Variants in TTC1 observed in about 807,000 individuals in gnomAD.
TTC1 encodes tetratricopeptide repeat protein 1.
TTC1 carries 31 observed loss-of-function variants against 37.6 expected under a neutral mutation model. The ratio of observed to expected loss-of-function variants is 0.82; its 90% CI spans 0.62 to 1.11. The LOEUF (loss-of-function observed/expected upper bound fraction) is 1.11. Among genes scored for constraint, TTC1 ranks in the 50% most tolerant of loss-of-function variants. The pLI is 0.00. For synonymous variants in TTC1, 127 were observed against 122.4 expected (o/e 1.04, Z -0.25); for missense variants, 351 against 339.0 (o/e 1.04, Z -0.28).
chr5:160,018,451 C>T (rs1003505932), intron 2 of TTC1, among the ~76,000 whole-genome samples: 3 of 152,040 alleles, frequency 2.0e-5, no homozygotes, highest in South Asian at 2.1e-4. Context: ...AATGTGTGAC[C>T]GTCTGAGAGG....
rs146312566 is a variant in TTC1 at position 160,032,186 on chromosome 5, C to T, written c.331-2954C>T. ...ACGCTTACTTCACAAGAGCCTAATC[C>T]GGCAATCTGATTGATTCATCTGTGT... is the stretch of plus-strand genomic sequence containing the variant. On this transcript the variant is annotated intron_variant, in intron 2 of 7. Transcript: ENST00000231238. Among the ~76,000 whole-genome samples, 588 of 152,214 alleles carry T rather than the reference C, an allele frequency of 3.9e-3. 3 individuals carry two copies. Among genetic ancestry groups the T allele is most frequent in the African/African-American group, 0.013 (541 of 41,530 alleles).
At chr5:160,020,447 TTGC>T (rs1756683964) in intron 2 of TTC1, among the ~76,000 whole-genome samples, 1 of 152,172 alleles carries the variant, frequency 6.6e-6, no homozygotes, top group African/African-American at 2.4e-5. Context: ...GAAATAAGGG[TTGC>T]TTGCTCTAAA....
intron 7 of TTC1, among the ~76,000 whole-genome samples, chr5:160,060,577 A>T (rs1428622797): frequency 6.6e-6 from 1 of 152,218 alleles, no homozygotes; most frequent in Non-Finnish European, 1.5e-5. Flanking sequence ...CAGATAGGGA[A>T]GACAGAATTT....
intron 7 of TTC1, among the ~76,000 whole-genome samples, chr5:160,059,076 C>T (rs1020141819): frequency 6.6e-6 from 1 of 152,196 alleles, no homozygotes; most frequent in Non-Finnish European, 1.5e-5. Context: ...AACTTAAAGT[C>T]ACCAGCTGTA....
At chr5:160,058,409 CTTTTT>C (rs1171929571) in intron 7 of TTC1, among the ~76,000 whole-genome samples, 4 of 129,756 alleles carry the variant, frequency 3.1e-5, no homozygotes, top group South Asian at 2.5e-4. Context: ...AAGTGTATTT[CTTTTT>C]TTTTTTTTTT....
chr5:160,045,838 G>C (rs955607142), intron 5 of TTC1, among the ~76,000 whole-genome samples: 20 of 152,124 alleles, frequency 1.3e-4, no homozygotes, highest in African/African-American at 4.6e-4. Flanking sequence ...TGCCTCCCAG[G>C]TTCAAGCGAC....
At chr5:160,056,005 C>T (rs1389665280) in intron 7 of TTC1, among the ~76,000 whole-genome samples, 1 of 152,186 alleles carries the variant, frequency 6.6e-6, no homozygotes, top group African/African-American at 2.4e-5. Flanking sequence ...AACAAGCTTC[C>T]CTTGCCCCAG....
At chr5:160,025,267 A>G (rs1187773415) in intron 2 of TTC1, among the ~76,000 whole-genome samples, 1 of 152,192 alleles carries the variant, frequency 6.6e-6, no homozygotes, top group Non-Finnish European at 1.5e-5. Context: ...ACCTCAGGCA[A>G]TCCACCTGCC....
chr5:160,049,339 A>G (rs1280223822), intron 5 of TTC1, among the ~76,000 whole-genome samples, 175 bp from the exon 6 acceptor site: 1 of 152,148 alleles, frequency 6.6e-6, no homozygotes, highest in Non-Finnish European at 1.5e-5. Flanking sequence ...CACAAAGCCT[A>G]CAATCTTTAC....
chr5:160,036,920 A>G, intron 4 of TTC1, 117 bp downstream of exon 4: 1 of 657,596 alleles, frequency 1.5e-6, no homozygotes, highest in South Asian at 1.9e-5. Context: ...CTGCCCATAT[A>G]TTTCCCTGAT....
chr5:160,050,627 CTTTTT>C (rs546426067), intron 6 of TTC1, among the ~76,000 whole-genome samples: 2 of 109,338 alleles, frequency 1.8e-5, no homozygotes, highest in African/African-American at 3.6e-5. Flanking sequence ...CCAAACAAAA[CTTTTT>C]TTTTTTTTTT....
At chr5:160,019,240 T>C (rs1756659637) in intron 2 of TTC1, among the ~76,000 whole-genome samples, 1 of 152,220 alleles carries the variant, frequency 6.6e-6, no homozygotes, top group South Asian at 2.1e-4. Context: ...AACATTAGGC[T>C]CTGAAAGTTT....
At chr5:160,056,581 C>CGGCATGT (rs1757553520) in intron 7 of TTC1, among the ~76,000 whole-genome samples, 1 of 152,074 alleles carries the variant, frequency 6.6e-6, no homozygotes, top group Non-Finnish European at 1.5e-5. Context: ...AAAATTAGCC[C>CGGCATGT]GGCATGTGGC....
intron 7 of TTC1, among the ~76,000 whole-genome samples, chr5:160,061,458 TG>T (rs1406863705): frequency 6.6e-6 from 1 of 152,258 alleles, no homozygotes; most frequent in African/African-American, 2.4e-5. Context: ...GACCATGTCA[TG>T]TATCTTTGCA....
At chr5:160,033,187 C>T (rs544508844) in intron 2 of TTC1, among the ~76,000 whole-genome samples, 71 of 152,218 alleles carry the variant, frequency 4.7e-4, no homozygotes, top group African/African-American at 1.6e-3. Flanking sequence ...ACAATCTAAG[C>T]ATCTTTCTTA....
chr5:160,010,663 G>C lies in TTC1; in HGVS notation c.135G>C (p.Leu45=), dbSNP rs1172222884. The C allele has an allele frequency of 1.2e-6, 2 of 1,613,860 alleles. No individual in the cohort carries two copies. The highest frequency in any genetic ancestry group is 1.3e-5 in the African/African-American group (1 of 75,046). Residue 45 remains leucine, a synonymous_variant, in exon 2 of 8, where the codon CTG becomes CTC. Coordinates refer to ENST00000231238, the MANE Select transcript of TTC1 (RefSeq NM_003314.3). ...DPKNQHSQSK[L]LRDDEAHLQE... ...AAAATCAGCATTCCCAGAGTAAGCT[G>C]CTCAGGGATGATGAGGCCCATCTCC...
intron 2 of TTC1, among the ~76,000 whole-genome samples, chr5:160,023,353 G>T (rs961174603): frequency 2.0e-5 from 3 of 149,306 alleles, no homozygotes; most frequent in African/African-American, 4.9e-5. Flanking sequence ...GTGCAGTGAC[G>T]CAATCATGGC....
chr5:160,054,412 G>A (rs965656231), intron 7 of TTC1, among the ~76,000 whole-genome samples: 1 of 152,108 alleles, frequency 6.6e-6, no homozygotes, highest in Non-Finnish European at 1.5e-5. Flanking sequence ...CCAGCAGTTC[G>A]AGACCAGCCT....
At chr5:160,013,286 A>G (rs1398996957) in intron 2 of TTC1, among the ~76,000 whole-genome samples, 2 of 152,208 alleles carry the variant, frequency 1.3e-5, no homozygotes, top group East Asian at 3.8e-4. Context: ...CCAGCGAAAC[A>G]GATTGAAGAA....
Sources: gnomAD v4.1 joint callset for allele counts (sites outside exome capture counted in the v4.1 genomes callset) on GRCh38, gnomAD v4.1.1 for gene constraint, MANE v1.5 for transcripts, NCBI Gene and HGNC (gene_info 2026-07-23, HGNC 2026-07-21) for gene names.